The following UPP2 variants were observed in gnomAD, a reference collection of about 807,000 sequenced individuals.
UPP2 encodes the protein uridine phosphorylase 2, also known as UPase 2.
In UPP2, 23 loss-of-function variants were observed where a neutral mutation model predicts 26.7. The ratio of observed to expected loss-of-function variants is 0.86; its 90% CI spans 0.62 to 1.22. UPP2 has a LOEUF of 1.22. Among genes scored for constraint, UPP2 ranks in the 50% most tolerant of loss-of-function variants. The probability of loss-of-function intolerance (pLI) is 0.00; values close to 1 mark genes in which losing one functional copy is unlikely to be tolerated. For missense variants in UPP2, 387 were observed against 396.7 expected (o/e 0.98, Z 0.21); for synonymous variants, 127 against 141.3 (o/e 0.90, Z 0.72).
chr2:158,065,238 G>A (rs920823191), intron 3 of UPP2, among the ~76,000 whole-genome samples: 2 of 152,184 alleles, frequency 1.3e-5, no homozygotes, highest in African/African-American at 4.8e-5. Flanking sequence ...CTACCAAGAA[G>A]CACCCATTGT....
At position 158,000,134 on chromosome 2, in the gene UPP2, G is replaced by T. The variant is rs183032877; in HGVS notation, c.61+4875G>T. Among the ~76,000 whole-genome samples the T allele has an allele frequency of 5.3e-5, 8 of 151,906 alleles. No homozygotes were observed. In the East Asian group the frequency reaches 1.5e-3, roughly 29 times the overall value. ...GCTAGAGTGCAATGGCGCGATCTCG[G>T]CTCACTGCAACCTCTGTCTCCTGGG... is the stretch of plus-strand genomic sequence containing the variant. On this transcript the variant is annotated intron_variant, in intron 2 of 9. Transcript: ENST00000605860.
intron 3 of UPP2, among the ~76,000 whole-genome samples, chr2:158,018,729 T>C (rs1683699306): frequency 6.6e-6 from 1 of 152,176 alleles, no homozygotes; most frequent in Non-Finnish European, 1.5e-5. Flanking sequence ...AAAAAGGATA[T>C]CTTTTCCCTT....
At chr2:158,107,573 G>A (rs571419913) in intron 2 of UPP2, among the ~76,000 whole-genome samples, 5 of 152,212 alleles carry the variant, frequency 3.3e-5, no homozygotes, top group Admixed American at 6.5e-5. Context: ...CTTACCCAGT[G>A]GGTCAAGAGG....
chr2:158,083,430 T>TGTTTG (rs1467743329), intron 3 of UPP2, among the ~76,000 whole-genome samples: 5 of 152,046 alleles, frequency 3.3e-5, no homozygotes, highest in Non-Finnish European at 5.9e-5. Flanking sequence ...CTGGAAACCA[T>TGTTTG]CATTCTCAGC....
chr2:158,015,337 G>GTGT (rs1683641059), intron 2 of UPP2, among the ~76,000 whole-genome samples: 1 of 152,156 alleles, frequency 6.6e-6, no homozygotes, highest in Admixed American at 6.5e-5. Flanking sequence ...ATACAGTATT[G>GTGT]ATCTTTTTTT....
At chr2:158,092,989 C>T (rs149429750) in intron 3 of UPP2, among the ~76,000 whole-genome samples, 49 of 152,092 alleles carry the variant, frequency 3.2e-4, no homozygotes, top group African/African-American at 1.0e-3. Context: ...GGCATGATCT[C>T]GGCTCACTGC....
chr2:157,999,393 G>T (rs1400949919), intron 2 of UPP2, among the ~76,000 whole-genome samples: 1 of 152,152 alleles, frequency 6.6e-6, no homozygotes, highest in Admixed American at 6.6e-5. Flanking sequence ...GACCAGGCTG[G>T]TCCTGAACTC....
intron 3 of UPP2, among the ~76,000 whole-genome samples, chr2:158,045,667 T>C (rs1684142840): frequency 1.3e-5 from 2 of 152,174 alleles, no homozygotes; most frequent in African/African-American, 4.8e-5. Flanking sequence ...GTGATGTAGA[T>C]TCAATGTAGA....
Position 158,016,116 on chromosome 2 carries a change from A to G in UPP2, c.147+230A>G, listed in dbSNP as rs80176751. On this transcript the variant is annotated intron_variant, in intron 3 of 9. Coordinates refer to the UPP2 transcript ENST00000605860. The stretch of plus-strand genomic sequence containing the variant: ...CTCCAGTTTCTCCACATCCTCACTA[A>G]CACTTGTTTAAAAAAAAAAAAACTA... Among the ~76,000 whole-genome samples, 707 of 150,800 alleles carry G rather than the reference A, an allele frequency of 4.7e-3. 6 individuals are homozygous for G. The highest frequency in any genetic ancestry group is 0.017 in the African/African-American group (678 of 40,652).
At chr2:158,049,692 T>C (rs1682117371) in intron 3 of UPP2, among the ~76,000 whole-genome samples, 1 of 152,172 alleles carries the variant, frequency 6.6e-6, no homozygotes, top group Admixed American at 6.5e-5. Context: ...TTTAATTGAC[T>C]CATGCATTTG....
chr2:158,012,365 T>G (rs12104874), intron 2 of UPP2, among the ~76,000 whole-genome samples: 3,615 of 149,034 alleles, frequency 0.024, 131 homozygotes, highest in African/African-American at 0.085. Context: ...CCTACCGGAT[T>G]CAAGTGATTC....
chr2:158,010,921 A>G (rs1574244138), intron 2 of UPP2, among the ~76,000 whole-genome samples: 2 of 151,934 alleles, frequency 1.3e-5, no homozygotes, highest in Non-Finnish European at 1.5e-5. Flanking sequence ...GCACGCCTCC[A>G]TGCCCAGCTG....
intron 3 of UPP2, among the ~76,000 whole-genome samples, chr2:158,046,772 T>G (rs2190959): frequency 0.66 from 100,696 of 151,980 alleles, 33,570 homozygotes; most frequent in Non-Finnish European, 0.71. Context: ...TAATTGTGAT[T>G]GAGTTTTTCT....
chr2:158,101,318 A>T (rs1422462095), upstream of UPP2, among the ~76,000 whole-genome samples: 2 of 152,242 alleles, frequency 1.3e-5, no homozygotes, highest in Non-Finnish European at 2.9e-5. Flanking sequence ...CTGTATTATT[A>T]TTCCATGTGG....
chr2:158,132,029 A>G (rs1683829805), intron 6 of UPP2, among the ~76,000 whole-genome samples: 1 of 152,342 alleles, frequency 6.6e-6, no homozygotes, highest in Admixed American at 6.5e-5. Flanking sequence ...GTGAAGGATT[A>G]GAGAAGGACT....
At chr2:158,004,279 T>C (rs1446445567) in intron 2 of UPP2, among the ~76,000 whole-genome samples, 1 of 152,152 alleles carries the variant, frequency 6.6e-6, no homozygotes, top group Admixed American at 6.5e-5. Flanking sequence ...TGATCTGCCT[T>C]AGTATGTCAT....
intron 2 of UPP2, among the ~76,000 whole-genome samples, chr2:158,108,734 A>T (rs116838482): frequency 0.021 from 3,151 of 152,182 alleles, 141 homozygotes; most frequent in African/African-American, 0.072. Context: ...TGTCATAACC[A>T]CTATCCAACC....
chr2:158,098,003 C>T (rs116550089), upstream of UPP2, among the ~76,000 whole-genome samples: 352 of 151,822 alleles, frequency 2.3e-3, 1 homozygote, highest in African/African-American at 8.0e-3. Context: ...ATTATGAGTC[C>T]CTAATAAGGC....
chr2:158,115,857 T>C (rs1396299507), intron 3 of UPP2, among the ~76,000 whole-genome samples: 2 of 152,222 alleles, frequency 1.3e-5, no homozygotes, highest in African/African-American at 4.8e-5. Context: ...CGTATGTGCA[T>C]AGGCATCCCA....
Sources: gnomAD v4.1 joint callset for allele counts (sites outside exome capture counted in the v4.1 genomes callset) on GRCh38, gnomAD v4.1.1 for gene constraint, MANE v1.5 for transcripts, NCBI Gene and HGNC (gene_info 2026-07-23, HGNC 2026-07-21) for gene names.